Variants in SYNPR observed in about 807,000 individuals in gnomAD.
The protein encoded by SYNPR is synaptoporin.
SYNPR carries 23 observed loss-of-function variants against 32.9 expected under a neutral mutation model. That is an observed-to-expected ratio of 0.70 (90% confidence interval 0.50 to 0.99). The LOEUF is 0.99. Ranked by LOEUF, SYNPR falls within the 50% of genes least tolerant of loss-of-function variation. The pLI is 0.00. For synonymous variants in SYNPR, 146 were observed against 135.9 expected (o/e 1.07, Z -0.52); for missense variants, 318 against 349.3 (o/e 0.91, Z 0.71).
At position 63,394,106 on chromosome 3, in the gene SYNPR, G is replaced by A. The variant is rs78690215; in HGVS notation, c.85-86726G>A. 9.9e-3 allele frequency among the ~76,000 whole-genome samples: 1,510 copies of A among 152,216 alleles called. 16 individuals carry two copies. Among genetic ancestry groups the A allele is most frequent in the East Asian group, 0.051 (262 of 5,172 alleles). ...AATACTTCCCCCCTACCAGGTGGTA[G>A]CACTAATATATAGTAGGTACAGAAT... On this transcript the variant is annotated intron_variant, in intron 2 of 5. Transcript: ENST00000478300.
intron 3 of SYNPR, among the ~76,000 whole-genome samples, chr3:63,526,236 T>G (rs1351543359): frequency 6.6e-6 from 1 of 152,204 alleles, no homozygotes. Flanking sequence ...AAAGGAGACT[T>G]TCCTTGGTTC....
intron 1 of SYNPR, among the ~76,000 whole-genome samples, chr3:63,230,760 T>C (rs2086160583): frequency 6.6e-6 from 1 of 152,184 alleles, no homozygotes; most frequent in South Asian, 2.1e-4. Context: ...AACTACCTCA[T>C]AGGGTTGCTG....
intron 2 of SYNPR, among the ~76,000 whole-genome samples, chr3:63,319,992 C>T (rs541717764): frequency 7.9e-5 from 12 of 151,968 alleles, no homozygotes; most frequent in African/African-American, 2.2e-4. Context: ...CCCTGTCACC[C>T]GGGCTGCAGT....
chr3:63,398,574 C>G (rs186504982), intron 2 of SYNPR, among the ~76,000 whole-genome samples: 1 of 151,698 alleles, frequency 6.6e-6, no homozygotes, highest in Non-Finnish European at 1.5e-5. Context: ...AAAAATTAGC[C>G]GGGCACAGTG....
intron 2 of SYNPR, among the ~76,000 whole-genome samples, chr3:63,461,106 C>T (rs1250757564): frequency 6.6e-6 from 1 of 151,722 alleles, no homozygotes; most frequent in Non-Finnish European, 1.5e-5. Flanking sequence ...TAAGACTATT[C>T]CCATGATTTC....
intron 2 of SYNPR, among the ~76,000 whole-genome samples, chr3:63,361,144 C>G (rs1030941425): frequency 6.6e-6 from 1 of 152,124 alleles, no homozygotes; most frequent in Admixed American, 6.6e-5. Context: ...TTGAAAATCT[C>G]CAAGAGTCTC....
At chr3:63,259,931 C>T (rs1037526523) in intron 2 of SYNPR, among the ~76,000 whole-genome samples, 40 of 152,250 alleles carry the variant, frequency 2.6e-4, no homozygotes, top group Non-Finnish European at 5.1e-4. Context: ...ACACCAATAA[C>T]AGACAGAGAG....
At chr3:63,442,931 C>G (rs953660722) in intron 2 of SYNPR, 21 of 575,448 alleles carry the variant, frequency 3.6e-5, no homozygotes, top group Non-Finnish European at 4.6e-5. Flanking sequence ...TATAAAACCA[C>G]CATTTTTCCC....
chr3:63,481,449 A>ATGTGTGTGTGTGTGTGTGTGTGTGTG (rs200642486), intron 3 of SYNPR, among the ~76,000 whole-genome samples: 1 of 147,940 alleles, frequency 6.8e-6, no homozygotes, highest in Non-Finnish European at 1.5e-5. Flanking sequence ...ATATATATAT[A>ATGTGTGTGTGTGTGTGTGTGTGTGTG]TATGTGTGTG....
At chr3:63,525,558 C>A (rs1007455740) in intron 3 of SYNPR, among the ~76,000 whole-genome samples, 1 of 152,170 alleles carries the variant, frequency 6.6e-6, no homozygotes, top group African/African-American at 2.4e-5. Flanking sequence ...CACAGGGACA[C>A]AGAGTTAGCC....
At chr3:63,431,385 C>G (rs1699990649) in intron 2 of SYNPR, among the ~76,000 whole-genome samples, 1 of 152,148 alleles carries the variant, frequency 6.6e-6, no homozygotes, top group Admixed American at 6.5e-5. Flanking sequence ...AGCTGGAGAT[C>G]TCATTATTTA....
chr3:63,560,807 G>A (rs1702675522), intron 4 of SYNPR, among the ~76,000 whole-genome samples: 1 of 152,020 alleles, frequency 6.6e-6, no homozygotes, highest in African/African-American at 2.4e-5. Flanking sequence ...CAGCAGGGGG[G>A]GAACCACCCC....
At chr3:63,367,721 A>T (rs2087744948) in intron 2 of SYNPR, among the ~76,000 whole-genome samples, 1 of 152,182 alleles carries the variant, frequency 6.6e-6, no homozygotes, top group African/African-American at 2.4e-5. Context: ...TATTTCAACT[A>T]GGGAAACAGG....
chr3:63,460,572 C>CAAAAAA lies in SYNPR; in HGVS notation c.85-20242_85-20237dup, dbSNP rs11390803. Among the ~76,000 whole-genome samples the CAAAAAA allele has an allele frequency of 1.5e-3, 69 of 45,700 alleles. 8 individuals carry two copies. The highest frequency in any genetic ancestry group is 5.6e-3 in the African/African-American group (62 of 10,990). The allele number at this position is 45,700 out of a possible 152,430, so 30.0% of individuals were successfully genotyped here. A position where few individuals can be genotyped will look rare whatever the true frequency, so the allele number is the denominator to read the frequency against. On this transcript the variant is annotated intron_variant, in intron 2 of 5. Coordinates refer to ENST00000478300, the MANE Select transcript of SYNPR (RefSeq NM_001130003.2). ...ACAGCATAGGTGAGGATTGGTAGAC[C>CAAAAAA]AAAAAAAAAAAAAAAAAAAAAAAGC...
intron 3 of SYNPR, among the ~76,000 whole-genome samples, chr3:63,496,833 C>T (rs957885948): frequency 1.3e-5 from 2 of 151,944 alleles, no homozygotes; most frequent in Admixed American, 6.6e-5. Flanking sequence ...TGTCAATATT[C>T]CTCAATGCAT....
intron 2 of SYNPR, among the ~76,000 whole-genome samples, chr3:63,364,344 A>G (rs1226827414): frequency 6.6e-6 from 1 of 152,208 alleles, no homozygotes; most frequent in Non-Finnish European, 1.5e-5. Flanking sequence ...ACAACAACAT[A>G]TAGGTTCAGG....
intron 2 of SYNPR, among the ~76,000 whole-genome samples, chr3:63,408,817 A>T (rs1358935799): frequency 6.6e-6 from 1 of 152,106 alleles, no homozygotes; most frequent in Non-Finnish European, 1.5e-5. Flanking sequence ...ACTCTCAGAG[A>T]TATATCAAGA....
chr3:63,431,726 A>C (rs552151659), intron 2 of SYNPR, among the ~76,000 whole-genome samples: 6 of 151,702 alleles, frequency 4.0e-5, no homozygotes, highest in African/African-American at 1.5e-4. Flanking sequence ...GCCCATTAAA[A>C]ACAAAACCAA....
chr3:63,523,253 G>A (rs1260976199), intron 3 of SYNPR, among the ~76,000 whole-genome samples: 1 of 152,084 alleles, frequency 6.6e-6, no homozygotes, highest in Non-Finnish European at 1.5e-5. Flanking sequence ...GCTTCCCTTT[G>A]CCCTTCCAAG....
Sources: allele counts gnomAD v4.1 joint callset (sites outside exome capture counted in the v4.1 genomes callset), GRCh38; gene constraint gnomAD v4.1.1; transcripts MANE v1.5; gene names NCBI Gene and HGNC (gene_info 2026-07-23, HGNC 2026-07-21).